Variants in CCNY observed in about 807,000 individuals in gnomAD.
The protein encoded by CCNY is cyclin-Y.
A neutral mutation model predicts 42.8 loss-of-function variants in CCNY; 19 were observed. The observed-to-expected ratio is 0.44, with a 90% CI of 0.31 to 0.65. The LOEUF is 0.65. Among genes scored for constraint, CCNY ranks in the 30% least tolerant of loss-of-function variants. CCNY has a pLI of 0.07. For missense variants in CCNY, 370 were observed against 437.3 expected (o/e 0.85, Z 1.37); for synonymous variants, 165 against 162.7 (o/e 1.01, Z -0.11).
intron 2 of CCNY, among the ~76,000 whole-genome samples, chr10:35,495,655 C>T (rs1409854154): frequency 1.3e-5 from 2 of 152,200 alleles, no homozygotes; most frequent in African/African-American, 4.8e-5. Context: ...CAGAGCAGGC[C>T]AGAGGTCTAA....
chr10:35,552,740 T>C (rs1399445306), intron 7 of CCNY, among the ~76,000 whole-genome samples: 1 of 152,190 alleles, frequency 6.6e-6, no homozygotes, highest in Non-Finnish European at 1.5e-5. Context: ...GATATCACAG[T>C]TGATAGAGTG....
At chr10:35,351,873 T>TTAGGCTC (rs1457827905) in intron 1 of CCNY, among the ~76,000 whole-genome samples, 2 of 152,214 alleles carry the variant, frequency 1.3e-5, no homozygotes, top group Non-Finnish European at 2.9e-5. Context: ...CTCCTGAATG[T>TTAGGCTC]CTTCAGCCTA....
At chr10:35,332,372 T>C (rs1183078121), upstream of CCNY, 2 of 152,218 alleles carry the variant, frequency 1.3e-5, no homozygotes, top group Non-Finnish European at 2.9e-5. Flanking sequence ...AATGACTGAC[T>C]CATATTTCAT....
intron 1 of CCNY, among the ~76,000 whole-genome samples, chr10:35,481,879 A>G (rs544491722): frequency 7.6e-4 from 116 of 152,334 alleles, no homozygotes; most frequent in Non-Finnish European, 1.2e-3. Flanking sequence ...CTGTAGTTCA[A>G]ATTGAAGCAA....
In CCNY at chr10:35,569,318, G is replaced by A; in HGVS notation, c.*148G>A. On this transcript the variant is annotated 3_prime_UTR_variant, in exon 10 of 10. Transcript: ENST00000374704. ...TCAAGCTGCCTGGATGAGCGCCCAT[G>A]CAGCAAGGCTTGGAGGAAGCGTCAG... The A allele has an allele frequency of 1.6e-6, 1 of 627,394 alleles. No homozygotes were observed. The highest frequency in any genetic ancestry group is 1.8e-5 in the South Asian group (1 of 54,282). The allele number at this position is 627,394 out of a possible 1,614,324, so 38.9% of individuals were successfully genotyped here.
At chr10:35,488,087 A>T (rs1218623745) in intron 2 of CCNY, among the ~76,000 whole-genome samples, 4 of 152,230 alleles carry the variant, frequency 2.6e-5, no homozygotes, top group African/African-American at 9.6e-5. Context: ...AAGAATTTGG[A>T]GGAAAAAACC....
At chr10:35,370,953 G>A (rs1258009247) in intron 1 of CCNY, among the ~76,000 whole-genome samples, 2 of 152,166 alleles carry the variant, frequency 1.3e-5, no homozygotes, top group African/African-American at 2.4e-5. Context: ...CTGACCCAGT[G>A]ATCCGTCCGC....
intron 3 of CCNY, among the ~76,000 whole-genome samples, chr10:35,282,679 C>T (rs1362712882): frequency 1.3e-4 from 19 of 146,072 alleles, no homozygotes; most frequent in African/African-American, 2.8e-4. Flanking sequence ...GCCAAGATCG[C>T]GCCACTGCAC....
chr10:35,488,543 G>T (rs949927085), intron 2 of CCNY, among the ~76,000 whole-genome samples: 1 of 152,022 alleles, frequency 6.6e-6, no homozygotes, highest in African/African-American at 2.4e-5. Flanking sequence ...TGCTCGGTGT[G>T]TCTCCTTCAG....
intron 1 of CCNY, among the ~76,000 whole-genome samples, chr10:35,455,817 TTTTTTTTTAA>T (rs1256559882): frequency 1.5e-5 from 2 of 135,668 alleles, no homozygotes; most frequent in Non-Finnish European, 3.1e-5. Flanking sequence ...TTTTTTTTTT[TTTTTTTTTAA>T]AAAAAGAAAA....
chr10:35,275,195 C>G (rs556393451), intron 3 of CCNY, among the ~76,000 whole-genome samples: 19 of 150,418 alleles, frequency 1.3e-4, no homozygotes, highest in Non-Finnish European at 1.5e-4. Context: ...TCCCAAATAG[C>G]TGGGATTACA....
intron 3 of CCNY, among the ~76,000 whole-genome samples, chr10:35,298,639 C>T (rs765043114): frequency 6.6e-6 from 1 of 152,152 alleles, no homozygotes; most frequent in Non-Finnish European, 1.5e-5. Flanking sequence ...GCCTCAGCCG[C>T]CTGAGTAGCT....
intron 7 of CCNY, among the ~76,000 whole-genome samples, chr10:35,543,030 CAG>C (rs1488297238): frequency 1.3e-5 from 2 of 152,292 alleles, no homozygotes; most frequent in East Asian, 3.9e-4. Context: ...ATTTCATAAA[CAG>C]ATACCTCAAC....
intron 1 of CCNY, among the ~76,000 whole-genome samples, chr10:35,420,715 T>G (rs958148815): frequency 1.4e-4 from 22 of 152,330 alleles, no homozygotes; most frequent in African/African-American, 4.3e-4. Context: ...GAAGTAAACT[T>G]TTTTAAAGCA....
At chr10:35,565,431 C>G (rs1393841045) in intron 8 of CCNY, among the ~76,000 whole-genome samples, 1 of 152,186 alleles carries the variant, frequency 6.6e-6, no homozygotes, top group African/African-American at 2.4e-5. Flanking sequence ...GGTGCGTGCT[C>G]AAGTGTGGAA....
rs1364978658 is a variant in CCNY at position 35,419,753 on chromosome 10, T to TA, written c.155-63648dup. 3.3e-5 allele frequency among the ~76,000 whole-genome samples: 5 copies of TA among 152,238 alleles called. No homozygotes were observed. The East Asian group carries it at 9.6e-4, about 29-fold the overall frequency. On this transcript the variant is annotated intron_variant, in intron 1 of 9. Transcript: ENST00000374704. ...ATGTCTCTCTTTATATACGTTTACG[T>TA]AAATATATGTGTGCATTTATGTGTG... is the stretch of plus-strand genomic sequence containing the variant.
chr10:35,446,609 A>G (rs1303284025), intron 1 of CCNY, among the ~76,000 whole-genome samples: 2 of 152,194 alleles, frequency 1.3e-5, no homozygotes, highest in Non-Finnish European at 2.9e-5. Flanking sequence ...TGTCATATCC[A>G]GTTTGTGTTT....
intron 1 of CCNY, among the ~76,000 whole-genome samples, chr10:35,406,844 T>A (rs1325482471): frequency 1.3e-5 from 2 of 151,382 alleles, no homozygotes; most frequent in African/African-American, 4.9e-5. Context: ...ATGGGGCGGC[T>A]GGCCGGGCGG....
intron 1 of CCNY, among the ~76,000 whole-genome samples, chr10:35,441,499 G>T (rs1589123722): frequency 6.6e-6 from 1 of 152,338 alleles, no homozygotes; most frequent in East Asian, 1.9e-4. Context: ...GGGCGCAGTG[G>T]CTGCGAGGCC....
Sources: gnomAD v4.1 joint callset for allele counts (sites outside exome capture counted in the v4.1 genomes callset) on GRCh38, gnomAD v4.1.1 for gene constraint, MANE v1.5 for transcripts, NCBI Gene and HGNC (gene_info 2026-07-23, HGNC 2026-07-21) for gene names.